GPI: variants seen among roughly 807,000 people sequenced by gnomAD.
GPI encodes the protein glucose-6-phosphate isomerase.
Under a neutral mutation model 75.8 loss-of-function variants are expected in GPI, and 56 were observed. The ratio of observed to expected loss-of-function variants is 0.74; its 90% CI spans 0.60 to 0.92. The LOEUF (loss-of-function observed/expected upper bound fraction) is 0.92. GPI is among the 40% of genes least tolerant of loss of function. GPI has a pLI of 0.00. For missense variants in GPI, 638 were observed against 741.0 expected (o/e 0.86, Z 1.61); for synonymous variants, 288 against 285.4 (o/e 1.01, Z -0.09).
intron 3 of GPI, among the ~76,000 whole-genome samples, chr19:34,368,187 C>T (rs1186689714): frequency 1.3e-5 from 2 of 152,362 alleles, no homozygotes; most frequent in Admixed American, 6.5e-5. Context: ...TCCCAGAGTT[C>T]CGGGATTACA....
Position 34,396,379 on chromosome 19 carries a change from G to T in GPI, c.1141G>T (p.Gly381Trp). 1.2e-6 allele frequency: 2 copies of T among 1,614,220 alleles called. No individual in the cohort carries two copies. The highest frequency in any genetic ancestry group is 1.7e-6 in the Non-Finnish European group (2 of 1,180,032). The change falls in exon 13 of 18, where the codon GGG (glycine) becomes TGG (tryptophan). Residue 381 changes from glycine to tryptophan, a missense_variant. Gly to Trp is a radical substitution (Grantham distance 184, BLOSUM62 -2). Transcript: ENST00000356487. The part of the protein sequence containing the change: ...VDHQTGPIVW[G>W]EPGTNGQHAF... ...CCACCAGACAGGCCCCATTGTGTGGGGGGAGCCAGGGACCAATGGCCAGCA... is the reference window on the plus strand; with the variant it reads ...CCACCAGACAGGCCCCATTGTGTGGTGGGAGCCAGGGACCAATGGCCAGCA...
At chr19:34,387,106 C>T (rs2074747000) in intron 9 of GPI, among the ~76,000 whole-genome samples, 1 of 152,194 alleles carries the variant, frequency 6.6e-6, no homozygotes, top group South Asian at 2.1e-4. Context: ...GGCAAGGGAA[C>T]CGGGTCTGTC....
At chr19:34,365,501 C>T (rs1230133471) in intron 1 of GPI, 113 bp downstream of exon 1, 18 of 1,471,952 alleles carry the variant, frequency 1.2e-5, no homozygotes, top group Non-Finnish European at 1.6e-5. Flanking sequence ...TCCCCGACCT[C>T]CAGGCCACGG....
chr19:34,397,067 T>G (rs1027129026), intron 14 of GPI, among the ~76,000 whole-genome samples: 1 of 151,902 alleles, frequency 6.6e-6, no homozygotes, highest in Non-Finnish European at 1.5e-5. Flanking sequence ...TGCCTCGGCC[T>G]CCCTAAGTGC....
chr19:34,386,753 A>G (rs1229613072), intron 9 of GPI, among the ~76,000 whole-genome samples: 2 of 152,194 alleles, frequency 1.3e-5, no homozygotes, highest in Non-Finnish European at 2.9e-5. Context: ...CTTTGTAGCT[A>G]GAGAGACATA....
chr19:34,389,904 A>G (rs940264957), intron 9 of GPI, among the ~76,000 whole-genome samples: 1 of 152,222 alleles, frequency 6.6e-6, no homozygotes, highest in Non-Finnish European at 1.5e-5. Context: ...GAGGTGCTCC[A>G]TAAACAGCTG....
rs2074895415 is a variant in GPI at position 34,393,393 on chromosome 19, A to G, written c.865+85A>G. 24 of 1,014,716 alleles carry G rather than the reference A, an allele frequency of 2.4e-5. No homozygotes were observed. The highest frequency in any genetic ancestry group is 7.9e-6 in the Non-Finnish European group (5 of 632,850). The allele number at this position is 1,014,716 out of a possible 1,614,324, so 62.9% of individuals were successfully genotyped here. On this transcript the variant is annotated intron_variant, in intron 10 of 17. Transcript: ENST00000356487. This position sits in a 1 kb window ranked among gnomAD's most constrained non-coding sequence, Gnocchi z 4.4. ...GGGTAGGGGGCTTGTGTCCCTGAAC[A>G]TCATGCTGTCCTCACAGGCTGCTGG...
At chr19:34,391,062 T>A (rs889981380) in intron 9 of GPI, among the ~76,000 whole-genome samples, 1 of 150,098 alleles carries the variant, frequency 6.7e-6, no homozygotes, top group Non-Finnish European at 1.5e-5. Context: ...GGCACAGATA[T>A]GAGGATCTGC....
At chr19:34,399,430 C>G in intron 15 of GPI, 95 bp downstream of exon 15, 1 of 1,581,252 alleles carries the variant, frequency 6.3e-7, no homozygotes, top group Non-Finnish European at 8.7e-7. Context: ...CCTGGCTTGT[C>G]CTACAGAATG....
At chr19:34,375,529 G>A (rs571950681) in intron 4 of GPI, among the ~76,000 whole-genome samples, 77 of 152,178 alleles carry the variant, frequency 5.1e-4, no homozygotes, top group Middle Eastern at 6.8e-3. Flanking sequence ...CTTGGTTTGG[G>A]GATCTCTCAT....
chr19:34,376,991 T>A (rs2074547220), intron 4 of GPI, among the ~76,000 whole-genome samples: 1 of 150,412 alleles, frequency 6.6e-6, no homozygotes, highest in Non-Finnish European at 1.5e-5. Flanking sequence ...AAGTGGAGAC[T>A]CTGTCTCAAA....
intron 9 of GPI, among the ~76,000 whole-genome samples, chr19:34,386,018 G>A (rs2074729509): frequency 6.6e-6 from 1 of 151,972 alleles, no homozygotes. Flanking sequence ...GCCAGGGTAA[G>A]CACAGGTAGG....
rs770895120 is a variant in GPI, at chr19:34,381,532, A to G, written c.804+13A>G. 10 of 1,567,516 alleles carry G rather than the reference A, an allele frequency of 6.4e-6. No individual in the cohort carries two copies. In the African/African-American group the frequency reaches 1.2e-4, roughly 19 times the overall value. The stretch of plus-strand genomic sequence containing the variant: ...CGAGTTCTGGGATGTAAGTACAAGC[A>G]CTTCTGCACTGGGTGAATTAAGTGT... On this transcript the variant is annotated intron_variant, in intron 9 of 17. Coordinates refer to ENST00000356487, the MANE Select transcript of GPI (RefSeq NM_000175.5).
chr19:34,364,679 A>C (rs1262365220), upstream of GPI: 2 of 355,992 alleles, frequency 5.6e-6, no homozygotes, highest in African/African-American at 2.1e-5. Context: ...CGCCCGGCCT[A>C]GTCACTTTTT....
chr19:34,397,630 A>AACAGGCACTT (rs201321471), intron 14 of GPI: 3 of 151,710 alleles, frequency 2.0e-5, no homozygotes, highest in African/African-American at 7.3e-5. Context: ...TACAGGCACT[A>AACAGGCACTT]ACAGGCACTT....
At chr19:34,396,746 G>A (rs961024762) in intron 14 of GPI, 89 bp downstream of exon 14, 5 of 971,810 alleles carry the variant, frequency 5.1e-6, no homozygotes, top group East Asian at 2.6e-5. Flanking sequence ...TGGCAATCAC[G>A]TTAGTTTTCT....
rs543290853 is a variant in GPI, at chr19:34,396,199, A to G, written c.1063-102A>G. 5.1e-6 allele frequency: 7 copies of G among 1,374,372 alleles called. No individual in the cohort carries two copies. In the Admixed American group the frequency reaches 8.7e-5, roughly 17 times the overall value. The allele number at this position is 1,374,372 out of a possible 1,614,324, so 85.1% of individuals were successfully genotyped here. A position where few individuals can be genotyped will look rare whatever the true frequency, so the allele number is the denominator to read the frequency against. ...GTGATCCGCCTGCCTTGGCCTCCCA[A>G]AGTGCTGGAATTACAGGCTTGAGCC... On this transcript the variant is annotated intron_variant, in intron 12 of 17. Coordinates refer to ENST00000356487, the MANE Select transcript of GPI (RefSeq NM_000175.5).
At chr19:34,388,431 T>C (rs2074770434) in intron 9 of GPI, among the ~76,000 whole-genome samples, 1 of 151,942 alleles carries the variant, frequency 6.6e-6, no homozygotes, top group Non-Finnish European at 1.5e-5. Flanking sequence ...GCTGAGATCA[T>C]GCCACTACAC....
At chr19:34,368,964 T>C (rs555699853) in intron 4 of GPI, among the ~76,000 whole-genome samples, 1 of 152,252 alleles carries the variant, frequency 6.6e-6, no homozygotes, top group Non-Finnish European at 1.5e-5. Context: ...ACCTATGGAC[T>C]CATGGTGACA....
Sources: allele counts gnomAD v4.1 joint callset (sites outside exome capture counted in the v4.1 genomes callset), GRCh38; gene constraint gnomAD v4.1.1; non-coding constraint Gnocchi (gnomAD v3.1); transcripts MANE v1.5; gene names NCBI Gene and HGNC (gene_info 2026-07-23, HGNC 2026-07-21).